PAXBP1: variants seen among roughly 807,000 people sequenced by gnomAD.
PAXBP1 encodes the protein PAX3- and PAX7-binding protein 1.
A neutral mutation model predicts 119.9 loss-of-function variants in PAXBP1; 44 were observed. The ratio of observed to expected loss-of-function variants is 0.37; its 90% CI spans 0.29 to 0.47. The LOEUF is 0.47. PAXBP1 is among the 20% of genes least tolerant of loss of function. PAXBP1 has a pLI of 0.99. For missense variants in PAXBP1, 898 were observed against 1,134.1 expected, an observed-to-expected ratio of 0.79 and a Z score of 2.99; for synonymous variants, 393 against 406.6, an observed-to-expected ratio of 0.97 and a Z score of 0.40.
rs1885945699 is a variant in PAXBP1, at chr21:32,744,882, A to C, written c.2100T>G (p.Ser700=). ...VIAENMWDPF[S]TTQTSRMVGI... ...CCACCATTCTTGAAGTCTGTGTTGT[A>C]GAAAAAGGGTCCCACATATTTTCAG... The change falls in exon 13 of 18, where the codon TCT becomes TCG. Residue 700 remains serine (S), a synonymous_variant. Coordinates refer to ENST00000331923, the MANE Select transcript of PAXBP1 (RefSeq NM_016631.4). 1.5e-5 allele frequency: 24 copies of C among 1,606,088 alleles called. No individual in the cohort carries two copies. Among genetic ancestry groups the C allele is most frequent in the Non-Finnish European group, 2.0e-5 (24 of 1,177,208 alleles).
At chr21:32,769,486 C>T (rs927634563) in intron 2 of PAXBP1, among the ~76,000 whole-genome samples, 3 of 152,156 alleles carry the variant, frequency 2.0e-5, no homozygotes, top group African/African-American at 2.4e-5. Flanking sequence ...CACAACACTC[C>T]TTCAAACAGA....
chr21:32,771,291 C>A lies in PAXBP1; in HGVS notation c.343+35G>T, dbSNP rs757852564. On this transcript the variant is annotated intron_variant, in intron 1 of 17. Transcript: ENST00000331923. ...GGGACGGGGGCCTGCGTCGGGGATG[C>A]GGCCGTCTAAGGGCGTCCGAAGCGC... 3.9e-5 allele frequency: 60 copies of A among 1,530,670 alleles called. No homozygotes were observed. The South Asian group carries it at 6.4e-4, about 16-fold the overall frequency. The allele number at this position is 1,530,670 out of a possible 1,614,324, so 94.8% of individuals were successfully genotyped here. A position where few individuals can be genotyped will look rare whatever the true frequency, so the allele number is the denominator to read the frequency against.
chr21:32,760,930 TGTGTCTC>T, intron 5 of PAXBP1, 122 bp downstream of exon 5: 4 of 657,464 alleles, frequency 6.1e-6, no homozygotes, highest in Non-Finnish European at 1.1e-5. Flanking sequence ...TGTGTGTGTG[TGTGTCTC>T]CTCATGGGAT....
At chr21:32,755,553 A>G (rs201935522) in intron 7 of PAXBP1, 200 bp from the exon 8 acceptor site, 1 of 498,814 alleles carries the variant, frequency 2.0e-6, no homozygotes, top group East Asian at 3.7e-5. Flanking sequence ...GCATAGAGCT[A>G]TAATGTCCAG....
chr21:32,770,999 A>G (rs1380344817), intron 1 of PAXBP1, among the ~76,000 whole-genome samples: 1 of 152,190 alleles, frequency 6.6e-6, no homozygotes, highest in East Asian at 1.9e-4. Context: ...CAGCCAGGGG[A>G]CCCACACCAA....
At chr21:32,766,371 T>C (rs891506384) in intron 2 of PAXBP1, among the ~76,000 whole-genome samples, 6 of 152,202 alleles carry the variant, frequency 3.9e-5, no homozygotes, top group Non-Finnish European at 7.4e-5. Context: ...CATCTCTATA[T>C]AGATGTTAAA....
chr21:32,759,072 A>G lies in PAXBP1; in HGVS notation c.1383+8T>C. ...TATTCAAAGAGATTAGTATTTTTGC[A>G]TTCTTACCTTTTCACTGAAACACTC... On this transcript the variant is annotated splice_region_variant and intron_variant, in intron 7 of 17. Transcript: ENST00000331923. The G allele has an allele frequency of 1.2e-6, 2 of 1,612,676 alleles. No individual in the cohort carries two copies. The highest frequency in any genetic ancestry group is 1.7e-6 in the Non-Finnish European group (2 of 1,179,294).
rs763399207 is a variant in PAXBP1 at position 32,759,899 on chromosome 21, A to G, written c.1071T>C (p.Tyr357=). The G allele has an allele frequency of 5.0e-6, 8 of 1,613,710 alleles. No individual in the cohort carries two copies. The South Asian group carries it at 6.6e-5, about 13-fold the overall frequency. ...TGGCATCTGATGATCCATAGGCCGT[A>G]TAACTATAAGGAATGCCATAGGATG... ...YGSSYGIPYS[Y]TAYGSSDAKS... is the part of the protein sequence containing the mutation. The change falls in exon 6 of 18, where the codon TAT becomes TAC. Residue 357 remains tyrosine (Y), a synonymous_variant. Transcript: ENST00000331923.
rs1316681992 is a variant in PAXBP1, at chr21:32,771,674, C to T, written c.-6G>A. ...CGCCGGGCCTTTCGGAACATCCCCG[C>T]GGCCCGCACGGCGGTCGAATACTCG... On this transcript the variant is annotated 5_prime_UTR_variant, in exon 1 of 18. Transcript: ENST00000331923. The T allele has an allele frequency of 1.4e-6, 2 of 1,398,800 alleles. No homozygotes were observed. The highest frequency in any genetic ancestry group is 1.5e-5 in the African/African-American group (1 of 66,140). 86.6% of individuals were successfully genotyped at this position (1,398,800 alleles called of 1,614,324 possible).
chr21:32,735,877 A>G lies in PAXBP1; in HGVS notation c.2637-810T>C, dbSNP rs151018767. On this transcript the variant is annotated intron_variant, in intron 17 of 17. Transcript: ENST00000331923. ...TTCTACAGAATTGTAGTAAGCACCT[A>G]TTAGGGAAGAATTAGAATTTGCAAA... Among the ~76,000 whole-genome samples, 36 of 152,370 alleles carry G rather than the reference A, an allele frequency of 2.4e-4. No individual in the cohort carries two copies. In the East Asian group the frequency reaches 5.2e-3, roughly 22 times the overall value.
Position 32,762,416 on chromosome 21 carries a change from A to G in PAXBP1, c.650-99T>C. ...AAATAATCCAAGATAGCCTCATCAC[A>G]GTGATGTTTCAGCTGCTGGCACCTC... On this transcript the variant is annotated intron_variant, in intron 3 of 17. Transcript: ENST00000331923. 3 of 1,452,808 alleles carry G rather than the reference A, an allele frequency of 2.1e-6. No individual in the cohort carries two copies. In the South Asian group the frequency reaches 4.3e-5, roughly 21 times the overall value. The allele number at this position is 1,452,808 out of a possible 1,614,324, so 90.0% of individuals were successfully genotyped here. A position where few individuals can be genotyped will look rare whatever the true frequency, so the allele number is the denominator to read the frequency against.
intron 2 of PAXBP1, among the ~76,000 whole-genome samples, chr21:32,767,402 T>C (rs1415974638): frequency 6.6e-6 from 1 of 152,156 alleles, no homozygotes; most frequent in Non-Finnish European, 1.5e-5. Context: ...CAGAATTCAA[T>C]GAGGATAGAA....
chr21:32,759,492 T>C (rs1464692418), intron 6 of PAXBP1: 2 of 613,906 alleles, frequency 3.3e-6, no homozygotes, highest in Admixed American at 3.3e-5. Flanking sequence ...TGTTTTGCTT[T>C]TCCCCCCATA....
At chr21:32,758,903 T>A (rs576003857) in intron 7 of PAXBP1, among the ~76,000 whole-genome samples, 177 bp downstream of exon 7, 1 of 152,002 alleles carries the variant, frequency 6.6e-6, no homozygotes. Flanking sequence ...GGTATTATAT[T>A]GCCCTTAAGA....
Position 32,759,144 on chromosome 21 carries a change from C to T in PAXBP1, c.1319G>A (p.Arg440Gln), listed in dbSNP as rs765853453. The T allele has an allele frequency of 3.7e-6, 6 of 1,613,852 alleles. No individual in the cohort carries two copies. The highest frequency in any genetic ancestry group is 4.5e-5 in the East Asian group (2 of 44,882). Reference sequence around the variant, plus strand: ...TCGCATTTCTTGCAAAAATTTATACCGTTCACCAATACCCCCAGAAGACCC... The same window carrying T: ...TCGCATTTCTTGCAAAAATTTATACTGTTCACCAATACCCCCAGAAGACCC... ...LEGSSGGIGERYKFLQEMRGY... is the reference protein window; with the variant it reads ...LEGSSGGIGEQYKFLQEMRGY... Residue 440 changes from arginine to glutamine, a missense_variant, in exon 7 of 18, where the codon CGG becomes CAG. Physicochemically the swap from Arg to Gln is conservative, Grantham distance 43 (BLOSUM62 1). Transcript: ENST00000331923.
rs774255726 is a variant in PAXBP1 at position 32,745,695 on chromosome 21, A to G, written c.1947T>C (p.Asn649=). ...ACAGCAAAGATTCAAACCACAGCAT[A>G]TTCTCAAAGTCACGACATTTTGCCT... ...PLEAKCRDFE[N]MLWFESLLFY... The change falls in exon 12 of 18, where the codon AAT becomes AAC. Residue 649 remains asparagine (N), a synonymous_variant. Coordinates refer to ENST00000331923, the MANE Select transcript of PAXBP1 (RefSeq NM_016631.4). 11 of 1,613,872 alleles carry G rather than the reference A, an allele frequency of 6.8e-6. No homozygotes were observed. Among genetic ancestry groups the G allele is most frequent in the Admixed American group, 3.3e-5 (2 of 59,998 alleles).
In PAXBP1 at chr21:32,764,193, A is replaced by AT. The variant is rs571566725; in HGVS notation, c.649+154dup. On this transcript the variant is annotated intron_variant, in intron 3 of 17. Transcript: ENST00000331923. Reference sequence around the variant, plus strand: ...AAGTTGGGAAACTTCTGGTTCTCCTATTTTTTATATTTGCAAATGGAAAAA... The same window carrying AT: ...AAGTTGGGAAACTTCTGGTTCTCCTATTTTTTTATATTTGCAAATGGAAAAA... Among the ~76,000 whole-genome samples, 70 of 152,254 alleles carry AT rather than the reference A, an allele frequency of 4.6e-4. No individual in the cohort carries two copies. In the East Asian group the frequency reaches 7.5e-3, roughly 16 times the overall value.
intron 6 of PAXBP1, 64 bp downstream of exon 6, chr21:32,759,713 C>T: frequency 7.3e-7 from 1 of 1,372,812 alleles, no homozygotes; most frequent in Non-Finnish European, 1.0e-6. Flanking sequence ...CTACCCCAGA[C>T]TACATGTTGC....
chr21:32,763,994 C>CAAAAA (rs5843566), intron 3 of PAXBP1, among the ~76,000 whole-genome samples: 1 of 101,730 alleles, frequency 9.8e-6, no homozygotes, highest in African/African-American at 3.5e-5. Context: ...CCTCAAAAAG[C>CAAAAA]AAAAAAAAAA....
Sources: allele counts gnomAD v4.1 joint callset (sites outside exome capture counted in the v4.1 genomes callset), GRCh38; gene constraint gnomAD v4.1.1; transcripts MANE v1.5; gene names NCBI Gene and HGNC (gene_info 2026-07-23, HGNC 2026-07-21).